The following CLSTN2 variants were observed in gnomAD, a reference collection of about 807,000 sequenced individuals.
The protein encoded by CLSTN2 is calsyntenin 2.
A neutral mutation model predicts 101.2 loss-of-function variants in CLSTN2; 48 were observed. That is an observed-to-expected ratio of 0.47 (90% confidence interval 0.38 to 0.60). The LOEUF (loss-of-function observed/expected upper bound fraction) is 0.60. Ranked by LOEUF, CLSTN2 falls within the 20% of genes least tolerant of loss-of-function variation. CLSTN2 has a pLI of 0.00. For missense variants in CLSTN2, 1,160 were observed against 1,238.2 expected (o/e 0.94, Z 0.95); for synonymous variants, 481 against 463.6 (o/e 1.04, Z -0.48).
rs1936022409 is a variant in CLSTN2, at chr3:140,566,131, A to G, written c.2746A>G (p.Ser916Gly). The G allele has an allele frequency of 6.2e-7, 1 of 1,611,678 alleles. No homozygotes were observed. Among genetic ancestry groups the G allele is most frequent in the Admixed American group, 1.7e-5 (1 of 60,000 alleles). Residue 916 changes from serine (S) to glycine (G), a missense_variant, in exon 17 of 17, where the codon AGC (serine) becomes GGC (glycine). Transcript: ENST00000458420. ...AGAAGCCGAGGAAGAAATGAGCTCCAGCAGTGGCTCTGACGACAGCGAAGA... is the reference window on the plus strand; with the variant it reads ...AGAAGCCGAGGAAGAAATGAGCTCCGGCAGTGGCTCTGACGACAGCGAAGA... ...EEEAEEEMSS[S>G]SGSDDSEEEE...
intron 5 of CLSTN2, among the ~76,000 whole-genome samples, chr3:140,423,592 G>A (rs1006386211): frequency 6.6e-6 from 1 of 152,200 alleles, no homozygotes; most frequent in Non-Finnish European, 1.5e-5. Flanking sequence ...TGTGGGATAT[G>A]ATGAGGTTTC....
intron 2 of CLSTN2, among the ~76,000 whole-genome samples, chr3:140,266,214 G>T (rs1383723681): frequency 6.6e-6 from 1 of 152,178 alleles, no homozygotes; most frequent in South Asian, 2.1e-4. Flanking sequence ...GAGAGAAGAT[G>T]CTATACCTTG....
At chr3:140,227,538 G>T (rs1035169383) in intron 2 of CLSTN2, among the ~76,000 whole-genome samples, 6 of 152,232 alleles carry the variant, frequency 3.9e-5, no homozygotes, top group African/African-American at 1.4e-4. Flanking sequence ...CCATTGTGGG[G>T]TTGGGAGGAT....
chr3:140,415,436 T>C (rs1483131144), intron 4 of CLSTN2, among the ~76,000 whole-genome samples: 1 of 122,766 alleles, frequency 8.1e-6, no homozygotes, highest in Non-Finnish European at 1.6e-5. Context: ...AGACCATATA[T>C]GCAATAAAGT....
chr3:140,139,094 T>C (rs914532526), intron 1 of CLSTN2, among the ~76,000 whole-genome samples: 2 of 152,166 alleles, frequency 1.3e-5, no homozygotes, highest in Admixed American at 6.6e-5. Flanking sequence ...AAATGAGGGA[T>C]GATGTCAAGT....
chr3:140,270,231 C>T (rs964447041), intron 2 of CLSTN2, among the ~76,000 whole-genome samples: 1 of 152,162 alleles, frequency 6.6e-6, no homozygotes, highest in African/African-American at 2.4e-5. Flanking sequence ...AACCTCCTAA[C>T]ACAGGTGAGG....
rs781557500 is a variant in CLSTN2 at position 140,084,045 on chromosome 3, G to C, written c.110-91906G>C. Among the ~76,000 whole-genome samples, 3 of 152,220 alleles carry C rather than the reference G, an allele frequency of 2.0e-5. No homozygotes were observed. The South Asian group carries it at 6.2e-4, about 31-fold the overall frequency. ...TTTAAAAGGATTTTACCAAAGAAAAGTAGTAGGTCCTCTTAACCTGGAAAT... is the reference window on the plus strand; with the variant it reads ...TTTAAAAGGATTTTACCAAAGAAAACTAGTAGGTCCTCTTAACCTGGAAAT... On this transcript the variant is annotated intron_variant, in intron 1 of 16. Transcript: ENST00000458420.
At chr3:140,329,794 T>C (rs1196166039) in intron 2 of CLSTN2, among the ~76,000 whole-genome samples, 1 of 152,198 alleles carries the variant, frequency 6.6e-6, no homozygotes, top group Non-Finnish European at 1.5e-5. Context: ...AAAATATAAA[T>C]GTCCCTTCAT....
At chr3:140,245,059 G>T (rs1217849071) in intron 2 of CLSTN2, among the ~76,000 whole-genome samples, 1 of 152,146 alleles carries the variant, frequency 6.6e-6, no homozygotes, top group Non-Finnish European at 1.5e-5. Context: ...AGAGAGTCTT[G>T]ATTTCTCAGA....
chr3:140,458,050 G>A (rs1037578508), intron 6 of CLSTN2, among the ~76,000 whole-genome samples: 15 of 152,116 alleles, frequency 9.9e-5, no homozygotes, highest in African/African-American at 3.4e-4. Flanking sequence ...TAGACCTGAT[G>A]ATCTCCTCCA....
intron 2 of CLSTN2, among the ~76,000 whole-genome samples, chr3:140,287,821 T>A (rs959134180): frequency 5.3e-5 from 8 of 152,164 alleles, no homozygotes; most frequent in African/African-American, 1.9e-4. Flanking sequence ...GATAGGTCTA[T>A]CCGATCCCCA....
intron 8 of CLSTN2, among the ~76,000 whole-genome samples, chr3:140,487,421 C>T (rs1439069161): frequency 6.6e-6 from 1 of 152,230 alleles, no homozygotes; most frequent in African/African-American, 2.4e-5. Flanking sequence ...TCCTTATAAT[C>T]TTCTAAGCTA....
chr3:140,548,587 G>A (rs1438750694), intron 10 of CLSTN2, among the ~76,000 whole-genome samples: 1 of 152,192 alleles, frequency 6.6e-6, no homozygotes, highest in Non-Finnish European at 1.5e-5. Context: ...GTGGAAAGGG[G>A]ATGGGAAAGA....
intron 6 of CLSTN2, among the ~76,000 whole-genome samples, chr3:140,450,403 G>A (rs944667764): frequency 1.3e-5 from 2 of 152,228 alleles, no homozygotes; most frequent in African/African-American, 4.8e-5. Context: ...AAGGCGAGAA[G>A]TGCCTCATGT....
At chr3:140,385,703 A>G (rs2088044793) in intron 2 of CLSTN2, among the ~76,000 whole-genome samples, 1 of 152,022 alleles carries the variant, frequency 6.6e-6, no homozygotes, top group Non-Finnish European at 1.5e-5. Flanking sequence ...TAAACCAGCA[A>G]TTTCAGAGCG....
intron 2 of CLSTN2, among the ~76,000 whole-genome samples, chr3:140,306,389 C>T (rs1207322599): frequency 6.6e-6 from 1 of 151,794 alleles, no homozygotes; most frequent in Admixed American, 6.6e-5. Context: ...TCTAAGAGGA[C>T]AGCAACATGT....
At chr3:140,427,928 T>A (rs1325044929) in intron 5 of CLSTN2, among the ~76,000 whole-genome samples, 1 of 152,140 alleles carries the variant, frequency 6.6e-6, no homozygotes, top group East Asian at 1.9e-4. Flanking sequence ...TACCCAAGCC[T>A]GGGCCTGTGT....
Position 140,107,905 on chromosome 3 carries a change from G to A in CLSTN2, c.110-68046G>A, listed in dbSNP as rs2009088603. Among the ~76,000 whole-genome samples, 3 of 151,572 alleles carry A rather than the reference G, an allele frequency of 2.0e-5. No individual in the cohort carries two copies. In the South Asian group the frequency reaches 6.3e-4, roughly 32 times the overall value. On this transcript the variant is annotated intron_variant, in intron 1 of 16. Transcript: ENST00000458420. ...CTCTCAGTTTGATAGCTAAGAAGAG[G>A]AGACTCAAAAAAAGTGAGAGACTTC...
At chr3:140,532,238 G>A (rs985772716) in intron 8 of CLSTN2, 86 bp from the exon 9 acceptor site, 2 of 1,133,842 alleles carry the variant, frequency 1.8e-6, no homozygotes, top group Non-Finnish European at 2.5e-6. Flanking sequence ...CCAAAAATGT[G>A]TTGTTCTCCT....
Sources: gnomAD v4.1 joint callset for allele counts (sites outside exome capture counted in the v4.1 genomes callset) on GRCh38, gnomAD v4.1.1 for gene constraint, MANE v1.5 for transcripts, NCBI Gene and HGNC (gene_info 2026-07-23, HGNC 2026-07-21) for gene names.